The following JDP2 variants were observed in gnomAD, a reference collection of about 807,000 sequenced individuals.
JDP2 encodes the protein Jun dimerization protein 2.
JDP2 carries 9 observed loss-of-function variants against 17.1 expected under a neutral mutation model. That is an observed-to-expected ratio of 0.53 (90% CI 0.32 to 0.92). The LOEUF is 0.92. Among genes scored for constraint, JDP2 ranks in the 40% least tolerant of loss-of-function variants. JDP2 has a pLI of 0.04. For missense variants in JDP2, 179 were observed against 220.0 expected, an observed-to-expected ratio of 0.81 and a Z score of 1.18; for synonymous variants, 107 against 95.6, an observed-to-expected ratio of 1.12 and a Z score of -0.69.
chr14:75,439,593 C>T (rs1257693207), intron 2 of JDP2, among the ~76,000 whole-genome samples: 1 of 152,154 alleles, frequency 6.6e-6, no homozygotes, highest in Non-Finnish European at 1.5e-5. Context: ...CTGCCTGGTC[C>T]CTGTTAGCCA....
intron 1 of JDP2, among the ~76,000 whole-genome samples, chr14:75,429,634 G>A (rs1453584669): frequency 6.6e-6 from 1 of 152,146 alleles, no homozygotes; most frequent in Admixed American, 6.5e-5. Flanking sequence ...TCCTTTGCAG[G>A]TTTCTAGGGG....
chr14:75,439,675 T>C (rs985878432), intron 2 of JDP2, among the ~76,000 whole-genome samples: 12 of 152,166 alleles, frequency 7.9e-5, no homozygotes, highest in African/African-American at 2.9e-4. Flanking sequence ...AAGCTGTGAG[T>C]TGATGGTGAT....
intron 1 of JDP2, among the ~76,000 whole-genome samples, chr14:75,432,736 G>T (rs1884865786): frequency 6.6e-6 from 1 of 152,132 alleles, no homozygotes; most frequent in Non-Finnish European, 1.5e-5. Context: ...TTGTTTCTAT[G>T]GACAGAAAGT....
rs889760146 is a variant in JDP2 at position 75,431,010 on chromosome 14, T to A, written c.-24+2758T>A. On this transcript the variant is annotated intron_variant, in intron 1 of 3. Coordinates refer to ENST00000651602, the MANE Select transcript of JDP2 (RefSeq NM_001135048.2). ...ACGGGATTTAGTTGCAGAGCTCCAT[T>A]TGCAAAGCTTCAGCTGGCCAGTGGC... is the stretch of plus-strand genomic sequence containing the variant. Among the ~76,000 whole-genome samples the A allele has an allele frequency of 2.9e-4, 44 of 152,060 alleles. 1 individual carries two copies. The highest frequency in any genetic ancestry group is 1.2e-4 in the Non-Finnish European group (8 of 68,008).
At chr14:75,431,778 G>T (rs1717823655) in intron 1 of JDP2, among the ~76,000 whole-genome samples, 1 of 152,222 alleles carries the variant, frequency 6.6e-6, no homozygotes, top group East Asian at 1.9e-4. Context: ...CTTCATGGCT[G>T]CAGGAAACAG....
At position 75,470,636 on chromosome 14, in the gene JDP2, G is replaced by A. The variant is rs563543788; in HGVS notation, c.*1161G>A. On this transcript the variant is annotated 3_prime_UTR_variant, in exon 4 of 4. Transcript: ENST00000651602. ...GCAGTTACTATTTTGAGAGCAGTCA[G>A]AGTGTTCGCTCACTCTGCAGATGTT... 1 of 152,370 alleles carries A rather than the reference G, an allele frequency of 6.6e-6. No homozygotes were observed. The highest frequency in any genetic ancestry group is 1.9e-4 in the East Asian group (1 of 5,188). 9.4% of individuals were successfully genotyped at this position (152,370 alleles called of 1,614,324 possible).
intron 2 of JDP2, among the ~76,000 whole-genome samples, chr14:75,448,575 G>T (rs946344064): frequency 2.0e-5 from 3 of 152,184 alleles, no homozygotes; most frequent in Non-Finnish European, 4.4e-5. Context: ...ATGGTTCCCC[G>T]AATCTGTGTA....
intron 2 of JDP2, among the ~76,000 whole-genome samples, chr14:75,457,568 T>G (rs1164080274): frequency 2.0e-5 from 3 of 152,220 alleles, no homozygotes; most frequent in African/African-American, 4.8e-5. Flanking sequence ...GATGGGGCTT[T>G]GGGATCACAT....
At chr14:75,457,001 G>T (rs1886142340) in intron 2 of JDP2, among the ~76,000 whole-genome samples, 1 of 152,190 alleles carries the variant, frequency 6.6e-6, no homozygotes, top group South Asian at 2.1e-4. Flanking sequence ...CTTGCCCTTG[G>T]GCCTTCCTGG....
intron 2 of JDP2, among the ~76,000 whole-genome samples, chr14:75,448,017 G>A (rs984060261): frequency 2.0e-5 from 3 of 151,990 alleles, no homozygotes; most frequent in South Asian, 2.1e-4. Flanking sequence ...AACTGAATGC[G>A]CAAGAAAAAC....
intron 2 of JDP2, among the ~76,000 whole-genome samples, chr14:75,449,573 T>A (rs918588784): frequency 6.6e-6 from 1 of 152,196 alleles, no homozygotes; most frequent in Admixed American, 6.5e-5. Context: ...GGGCCACCAT[T>A]TCTCTCCTTT....
At chr14:75,435,208 CCT>C (rs1217839867) in intron 1 of JDP2, among the ~76,000 whole-genome samples, 1 of 152,224 alleles carries the variant, frequency 6.6e-6, no homozygotes, top group Non-Finnish European at 1.5e-5. Context: ...AGGCTGCAGC[CCT>C]CTCTGCATTG....
intron 2 of JDP2, among the ~76,000 whole-genome samples, chr14:75,446,165 G>T (rs1885590887): frequency 6.6e-6 from 1 of 152,216 alleles, no homozygotes; most frequent in African/African-American, 2.4e-5. Flanking sequence ...ACAAGTATTG[G>T]TGAGCATGTG....
rs150167777 is a variant in JDP2 at position 75,441,584 on chromosome 14, C to T, written c.201+3463C>T. ...ACGATATATAAGGTGAGTTAGTGGTCAGCACCACGAAGAAAAATTAAGCAG... is the reference window on the plus strand; with the variant it reads ...ACGATATATAAGGTGAGTTAGTGGTTAGCACCACGAAGAAAAATTAAGCAG... On this transcript the variant is annotated intron_variant, in intron 2 of 3. Transcript: ENST00000651602. 2.0e-3 allele frequency among the ~76,000 whole-genome samples: 299 copies of T among 152,280 alleles called. 1 individual carries two copies. The highest frequency in any genetic ancestry group is 6.7e-3 in the African/African-American group (277 of 41,560).
At chr14:75,451,109 G>A (rs1247006171) in intron 2 of JDP2, among the ~76,000 whole-genome samples, 5 of 152,212 alleles carry the variant, frequency 3.3e-5, no homozygotes, top group African/African-American at 1.2e-4. Context: ...ACCACAGCAG[G>A]TGGGGCCAAG....
intron 1 of JDP2, among the ~76,000 whole-genome samples, chr14:75,431,498 C>G (rs1884796101): frequency 6.6e-6 from 1 of 152,246 alleles, no homozygotes; most frequent in Admixed American, 6.5e-5. Context: ...GGCTGTCTGC[C>G]TTGGGGCAGA....
chr14:75,427,928 C>T (rs2140023697), upstream of JDP2: 1 of 152,530 alleles, frequency 6.6e-6, no homozygotes, highest in Middle Eastern at 3.4e-3. This position sits in a 1 kb window ranked among gnomAD's most constrained non-coding sequence, Gnocchi z 4.4. Flanking sequence ...CCCCCTCTGA[C>T]GTCTGGAGCT....
At chr14:75,468,912 G>A (rs1392078943) in intron 3 of JDP2, among the ~76,000 whole-genome samples, 1 of 152,216 alleles carries the variant, frequency 6.6e-6, no homozygotes. Context: ...CCTGCTCTAG[G>A]TCCACCTGGC....
At chr14:75,441,593 G>A (rs948915533) in intron 2 of JDP2, among the ~76,000 whole-genome samples, 6 of 152,196 alleles carry the variant, frequency 3.9e-5, no homozygotes, top group Admixed American at 2.0e-4. Context: ...TCAGCACCAC[G>A]AAGAAAAATT....
Sources: allele counts gnomAD v4.1 joint callset (sites outside exome capture counted in the v4.1 genomes callset), GRCh38; gene constraint gnomAD v4.1.1; non-coding constraint Gnocchi (gnomAD v3.1); transcripts MANE v1.5; gene names NCBI Gene and HGNC (gene_info 2026-07-23, HGNC 2026-07-21).